Variants in ARIH1 observed in about 807,000 individuals in gnomAD.
ARIH1 encodes ariadne RBR E3 ubiquitin protein ligase 1, also known as E3 ubiquitin-protein ligase ARIH1.
ARIH1 carries 8 observed loss-of-function variants against 85.0 expected under a neutral mutation model. That is an observed-to-expected ratio of 0.09 (90% confidence interval 0.06 to 0.17). The LOEUF is 0.17. ARIH1 is among the 10% of genes least tolerant of loss of function. ARIH1 has a pLI of 1.00. For missense variants in ARIH1, 311 were observed against 718.1 expected (o/e 0.43, Z 6.48); for synonymous variants, 238 against 253.6 (o/e 0.94, Z 0.59).
intron 10 of ARIH1, among the ~76,000 whole-genome samples, chr15:72,570,835 A>G (rs1447043983): frequency 1.3e-5 from 2 of 152,184 alleles, no homozygotes; most frequent in Non-Finnish European, 2.9e-5. Flanking sequence ...TTGAACTAAT[A>G]TAAGAATCTT....
chr15:72,578,726 A>G (rs1042044030), intron 11 of ARIH1, among the ~76,000 whole-genome samples: 2 of 151,742 alleles, frequency 1.3e-5, no homozygotes, highest in Non-Finnish European at 2.9e-5. Flanking sequence ...TCAACTGTAT[A>G]TGTTTTAAAG....
At chr15:72,511,364 G>A (rs1389415450) in intron 1 of ARIH1, among the ~76,000 whole-genome samples, 2 of 152,068 alleles carry the variant, frequency 1.3e-5, no homozygotes, top group Middle Eastern at 3.4e-3. Flanking sequence ...GTGCAGTGGC[G>A]CCATCTTGGC....
intron 2 of ARIH1, among the ~76,000 whole-genome samples, chr15:72,533,931 G>A (rs1412115395): frequency 6.6e-6 from 1 of 151,958 alleles, no homozygotes; most frequent in African/African-American, 2.4e-5. Flanking sequence ...TCATATATAA[G>A]CATGTTCCTA....
intron 5 of ARIH1, 122 bp downstream of exon 5, chr15:72,556,029 C>T (rs977635175): frequency 1.2e-5 from 9 of 768,302 alleles, no homozygotes; most frequent in African/African-American, 3.5e-5. Flanking sequence ...TTTTAATCTG[C>T]GTTCCTTAGT....
At chr15:72,490,103 G>A (rs1056356687) in intron 1 of ARIH1, among the ~76,000 whole-genome samples, 4 of 151,870 alleles carry the variant, frequency 2.6e-5, no homozygotes, top group Non-Finnish European at 4.4e-5. Context: ...TGGTTCAAGC[G>A]TGTAATCCCA....
intron 1 of ARIH1, among the ~76,000 whole-genome samples, chr15:72,484,871 C>T (rs551385266): frequency 2.3e-4 from 35 of 151,818 alleles, no homozygotes; most frequent in Admixed American, 9.2e-4. Context: ...TTTGCAGTTG[C>T]GAATTGTACT....
chr15:72,541,527 G>GA (rs200081678), intron 2 of ARIH1, among the ~76,000 whole-genome samples: 9 of 150,834 alleles, frequency 6.0e-5, no homozygotes, highest in South Asian at 4.2e-4. Context: ...AAGAGGATTT[G>GA]AAAAAAAAAT....
At position 72,582,506 on chromosome 15, in the gene ARIH1, T is replaced by C. The variant is rs1228808145; in HGVS notation, c.1589+319T>C. On this transcript the variant is annotated intron_variant, in intron 13 of 13. Coordinates refer to ENST00000379887, the MANE Select transcript of ARIH1 (RefSeq NM_005744.5). The surrounding 1 kb of genome is among the most constrained non-coding windows in gnomAD (Gnocchi z 4.6). ...TGAGAGTGAGAATTGAATGTTGGTC[T>C]TAGCCTGAGAATCCTATGTATGGGT... is the stretch of plus-strand genomic sequence containing the variant. Among the ~76,000 whole-genome samples, 1 of 152,168 alleles carries C rather than the reference T, an allele frequency of 6.6e-6. No individual in the cohort carries two copies. The highest frequency in any genetic ancestry group is 1.5e-5 in the Non-Finnish European group (1 of 68,020).
rs1426170744 is a variant in ARIH1, at chr15:72,597,169, T to TA, written c.*13877_*13878insA. The TA allele has an allele frequency of 4.4e-3, 1 of 228 alleles. No individual in the cohort carries two copies. The highest frequency in any genetic ancestry group is 0.022 in the Non-Finnish European group (1 of 46). 0.0% of individuals were successfully genotyped at this position (228 alleles called of 1,614,324 possible). ...CTTCCAAAACAGAGCATGCCCTTTGTTTTTTTTTCAGGCCACTTGAATGGT... is the reference window on the plus strand; with the variant it reads ...CTTCCAAAACAGAGCATGCCCTTTGTATTTTTTTTCAGGCCACTTGAATGGT... On this transcript the variant is annotated 3_prime_UTR_variant, in exon 14 of 14. Transcript: ENST00000379887.
At chr15:72,511,737 A>G (rs1383470641) in intron 1 of ARIH1, among the ~76,000 whole-genome samples, 3 of 151,778 alleles carry the variant, frequency 2.0e-5, no homozygotes, top group Non-Finnish European at 4.4e-5. Context: ...TTCCTTTCCA[A>G]TTTCTTTTAT....
intron 2 of ARIH1, among the ~76,000 whole-genome samples, chr15:72,522,023 T>C (rs2064002482): frequency 6.6e-6 from 1 of 152,228 alleles, no homozygotes; most frequent in African/African-American, 2.4e-5. Context: ...TATTGAATTG[T>C]TTATTCAACA....
chr15:72,524,669 G>T (rs2064019250), intron 2 of ARIH1, among the ~76,000 whole-genome samples: 1 of 152,148 alleles, frequency 6.6e-6, no homozygotes, highest in East Asian at 1.9e-4. Flanking sequence ...GATTTTATGG[G>T]TAAGTTCTGT....
intron 2 of ARIH1, among the ~76,000 whole-genome samples, chr15:72,531,842 C>CCTAG (rs2064058631): frequency 6.6e-6 from 1 of 152,026 alleles, no homozygotes; most frequent in Non-Finnish European, 1.5e-5. Flanking sequence ...TTATGTTGTA[C>CCTAG]CTAGCTTTTG....
At chr15:72,525,025 T>A (rs947276285) in intron 2 of ARIH1, among the ~76,000 whole-genome samples, 2 of 152,188 alleles carry the variant, frequency 1.3e-5, no homozygotes, top group African/African-American at 4.8e-5. Flanking sequence ...TATCTGGAAC[T>A]ACAGGTGCGT....
In ARIH1 at chr15:72,474,348, CGTGGA is replaced by C; in HGVS notation, c.-290_-286del. 2.5e-6 allele frequency: 1 copy of C among 402,078 alleles called. No individual in the cohort carries two copies. Among genetic ancestry groups the C allele is most frequent in the Non-Finnish European group, 4.5e-6 (1 of 223,016 alleles). 24.9% of individuals were successfully genotyped at this position (402,078 alleles called of 1,614,324 possible). On this transcript the variant is annotated 5_prime_UTR_variant, in exon 1 of 14. Coordinates refer to ENST00000379887, the MANE Select transcript of ARIH1 (RefSeq NM_005744.5). Reference sequence around the variant, plus strand: ...TTGGCTCAGTAGCGATAGCAGCGGCCGTGGAGGTGGCGTTGGGGACTGTTTTCTCT... The same window carrying C: ...TTGGCTCAGTAGCGATAGCAGCGGCCGGTGGCGTTGGGGACTGTTTTCTCT...
chr15:72,547,960 G>A (rs79732387), intron 3 of ARIH1, among the ~76,000 whole-genome samples: 2 of 152,288 alleles, frequency 1.3e-5, no homozygotes, highest in African/African-American at 2.4e-5. Context: ...TCAAAATCAT[G>A]ACTTGAGATT....
At chr15:72,545,919 A>AAG (rs10646580) in intron 3 of ARIH1, among the ~76,000 whole-genome samples, 140,295 of 152,292 alleles carry the variant, frequency 0.92, 65,704 homozygotes, top group East Asian at 1. Flanking sequence ...TAAGATGTCT[A>AAG]AGATAACTTA....
intron 3 of ARIH1, among the ~76,000 whole-genome samples, chr15:72,550,301 G>T (rs1379610314): frequency 2.3e-4 from 35 of 152,108 alleles, no homozygotes; most frequent in Admixed American, 2.3e-3. Context: ...CTTAAAATGA[G>T]CTCTAGACTA....
In ARIH1 at chr15:72,492,871, A is replaced by G. The variant is rs181335347; in HGVS notation, c.375+17857A>G. 1.1e-4 allele frequency among the ~76,000 whole-genome samples: 17 copies of G among 152,300 alleles called. No homozygotes were observed. The East Asian group carries it at 3.1e-3, about 28-fold the overall frequency. ...AGTCACCCTTAGGAATGAAAGTATAACATTAAGCAATATTTGAAGATTTAA... is the reference window on the plus strand; with the variant it reads ...AGTCACCCTTAGGAATGAAAGTATAGCATTAAGCAATATTTGAAGATTTAA... On this transcript the variant is annotated intron_variant, in intron 1 of 13. Transcript: ENST00000379887.
Sources: gnomAD v4.1 joint callset for allele counts (sites outside exome capture counted in the v4.1 genomes callset) on GRCh38, gnomAD v4.1.1 for gene constraint, Gnocchi (gnomAD v3.1) non-coding constraint, MANE v1.5 for transcripts, NCBI Gene and HGNC (gene_info 2026-07-23, HGNC 2026-07-21) for gene names.